PRSS56: variants seen among roughly 807,000 people sequenced by gnomAD.
The protein encoded by PRSS56 is protease, serine 56.
A neutral mutation model predicts 66.8 loss-of-function variants in PRSS56; 55 were observed. That is an observed-to-expected ratio of 0.82 (90% CI 0.66 to 1.03). The LOEUF (loss-of-function observed/expected upper bound fraction) is 1.03. PRSS56 is among the 50% of genes least tolerant of loss of function. The pLI, the probability that PRSS56 is intolerant of heterozygous loss-of-function variation, is 0.00. For synonymous variants in PRSS56, 409 were observed against 387.9 expected, an observed-to-expected ratio of 1.05 and a Z score of -0.64; for missense variants, 869 against 837.2, an observed-to-expected ratio of 1.04 and a Z score of -0.47.
At position 232,524,793 on chromosome 2, in the gene PRSS56, T is replaced by C. The variant is rs1251784154; in HGVS notation, c.1470T>C (p.His490=). Residue 490 remains histidine, a synonymous_variant, in exon 12 of 13, where the codon CAT becomes CAC. Transcript: ENST00000617714. ...AGTTGGCTGCCCTGCAGGGGGCCCA[T>C]GCCTGGATCCTGCAGGTCCCCTCGG... ...RQKLAALQGA[H]AWILQVPSEH... is the part of the protein sequence containing the mutation. 14 of 1,535,010 alleles carry C rather than the reference T, an allele frequency of 9.1e-6. No homozygotes were observed. In the South Asian group the frequency reaches 1.7e-4, roughly 18 times the overall value.
intron 5 of PRSS56, 42 bp from the exon 6 acceptor site, chr2:232,522,660 C>G (rs753694791): frequency 4.6e-6 from 7 of 1,532,488 alleles, no homozygotes. Context: ...ACCGCACCCC[C>G]ACCCGTGCTT....
In PRSS56 at chr2:232,524,163, G is replaced by C; in HGVS notation, c.1311G>C (p.Glu437Asp). 6.6e-7 allele frequency: 1 copy of C among 1,522,530 alleles called. No individual in the cohort carries two copies. The highest frequency in any genetic ancestry group is 1.2e-5 in the South Asian group (1 of 82,634). 94.3% of individuals were successfully genotyped at this position (1,522,530 alleles called of 1,614,324 possible). ...CTCTCCCCGCTCCAGCGCTCAGGGA[G>C]TCTCCTCTGCACCCCGCCCGGGAGC... The part of the protein sequence containing the change: ...ALALPAPALR[E>D]SPLHPARELR... Residue 437 changes from glutamate to aspartate, a missense_variant, in exon 10 of 13, where the codon GAG (glutamate) becomes GAC (aspartate). This residue lies in a region of PRSS56 where 551 missense variants were observed against 506.9 expected (regional missense o/e 1.09). Transcript: ENST00000617714.
chr2:232,522,553 A>G lies in PRSS56; in HGVS notation c.485A>G (p.Glu162Gly). 2 of 1,535,064 alleles carry G rather than the reference A, an allele frequency of 1.3e-6. No homozygotes were observed. The highest frequency in any genetic ancestry group is 1.7e-6 in the Non-Finnish European group (2 of 1,146,524). ...NELLWTVTLA[E>G]GSRGEQAEEV... The stretch of plus-strand genomic sequence containing the variant: ...CTTCTGTGGACTGTGACGCTGGCAG[A>G]GGGGTCCCGGGGGGAGCAAGCGGAG... The change falls in exon 5 of 13, where the codon GAG becomes GGG. Residue 162 changes from glutamate to glycine, a missense_variant. Transcript: ENST00000617714.
At chr2:232,523,271 C>A (rs913306339) in intron 7 of PRSS56, 69 bp downstream of exon 7, 1 of 1,422,546 alleles carries the variant, frequency 7.0e-7, no homozygotes, top group African/African-American at 1.4e-5. Flanking sequence ...TCTTTTCCTT[C>A]CACGTCTGTC....
intron 12 of PRSS56, 140 bp from the exon 13 acceptor site, chr2:232,525,076 T>C: frequency 1.2e-6 from 1 of 865,136 alleles, no homozygotes; most frequent in East Asian, 2.8e-5. Context: ...TGGGTGGGAG[T>C]GTCCACATGA....
intron 11 of PRSS56, 109 bp downstream of exon 11, chr2:232,524,478 G>T: frequency 9.3e-7 from 1 of 1,075,470 alleles, no homozygotes; most frequent in South Asian, 1.6e-5. Flanking sequence ...TGGGGCAACA[G>T]GGTGGACTCG....
chr2:232,521,396 T>C lies in PRSS56; in HGVS notation c.173T>C (p.Met58Thr). The C allele has an allele frequency of 6.5e-7, 1 of 1,536,096 alleles. No homozygotes were observed. The highest frequency in any genetic ancestry group is 8.7e-7 in the Non-Finnish European group (1 of 1,146,882). ...SAQWAINRVA[M>T]EIQHRSHECR... ...CAGTGGGCAATAAACCGAGTGGCGA[T>C]GGAGATCCAGCACAGATCGCACGAG... Residue 58 changes from methionine (M) to threonine (T), a missense_variant, in exon 2 of 13, where the codon ATG becomes ACG. Met to Thr is a moderately conservative substitution (Grantham distance 81). Around this residue, in one of 3 missense-constraint regions of PRSS56, gnomAD observed 315 missense variants for 313.7 expected, o/e 1.00. Coordinates refer to ENST00000617714, the MANE Select transcript of PRSS56 (RefSeq NM_001195129.2).
intron 4 of PRSS56, 41 bp from the exon 5 acceptor site, chr2:232,522,474 C>T: frequency 2.0e-6 from 3 of 1,487,510 alleles, no homozygotes; most frequent in Non-Finnish European, 1.8e-6. Flanking sequence ...GCGGGGTGTG[C>T]CCCTGTCCTT....
chr2:232,525,474 A>G lies in PRSS56; in HGVS notation c.1780A>G (p.Asn594Asp). 1 of 1,509,668 alleles carries G rather than the reference A, an allele frequency of 6.6e-7. No individual in the cohort carries two copies. Among genetic ancestry groups the G allele is most frequent in the Non-Finnish European group, 8.9e-7 (1 of 1,129,390 alleles). The allele number at this position is 1,509,668 out of a possible 1,614,324, so 93.5% of individuals were successfully genotyped here. A position where few individuals can be genotyped will look rare whatever the true frequency, so the allele number is the denominator to read the frequency against. Residue 594 changes from asparagine to aspartate, a missense_variant, in exon 13 of 13, where the codon AAC (asparagine) becomes GAC (aspartate). By Grantham distance (23) the Asn-to-Asp change is conservative (BLOSUM62 1). Around this residue, in one of 3 missense-constraint regions of PRSS56, gnomAD observed 551 missense variants for 506.9 expected, o/e 1.09. Transcript: ENST00000617714. The stretch of plus-strand genomic sequence containing the variant: ...GGAGAGGAAGGGGCACCACCCACTC[A>G]ACCCTCAGGTACCCCCCGCCAGGCA... ...GLERKGHHPL[N>D]PQVPPARQP
At chr2:232,525,104 T>C in intron 12 of PRSS56, 112 bp from the exon 13 acceptor site, 5 of 1,106,692 alleles carry the variant, frequency 4.5e-6, no homozygotes, top group Non-Finnish European at 5.0e-6. Context: ...ATGAGCAGGG[T>C]TTCCAGGTCT....
At position 232,523,880 on chromosome 2, in the gene PRSS56, C is replaced by A; in HGVS notation, c.1121C>A (p.Pro374Gln). 6.5e-7 allele frequency: 1 copy of A among 1,528,894 alleles called. No individual in the cohort carries two copies. The allele number at this position is 1,528,894 out of a possible 1,614,324, so 94.7% of individuals were successfully genotyped here. A position where few individuals can be genotyped will look rare whatever the true frequency, so the allele number is the denominator to read the frequency against. Reference protein sequence around the residue: ...RLCAFYARLCPGSQGACARLA... With the variant: ...RLCAFYARLCQGSQGACARLA... The stretch of plus-strand genomic sequence containing the variant: ...TGCGCCTTCTATGCCCGCCTGTGCC[C>A]GGGGTCCCAGGGCGCCTGTGCGCGC... Residue 374 changes from proline to glutamine, a missense_variant, in exon 9 of 13, where the codon CCG (proline) becomes CAG (glutamine). By Grantham distance (76) the Pro-to-Gln change is moderately conservative (BLOSUM62 -1). This residue lies in a region of PRSS56 where 551 missense variants were observed against 506.9 expected (regional missense o/e 1.09). Transcript: ENST00000617714.
chr2:232,520,459 G>T lies in PRSS56; in HGVS notation c.-140G>T. 1.4e-6 allele frequency: 1 copy of T among 713,782 alleles called. No homozygotes were observed. The highest frequency in any genetic ancestry group is 2.5e-6 in the Non-Finnish European group (1 of 404,138). The allele number at this position is 713,782 out of a possible 1,614,324, so 44.2% of individuals were successfully genotyped here. On this transcript the variant is annotated 5_prime_UTR_variant, in exon 1 of 13. Transcript: ENST00000617714. ...GGTAATTTTGATGTAAGAGAACGGG[G>T]TCAGATGATTTGAGGGACAAGAATT... is the stretch of plus-strand genomic sequence containing the variant.
At chr2:232,523,676 T>G in intron 8 of PRSS56, 96 bp from the exon 9 acceptor site, 1 of 1,518,884 alleles carries the variant, frequency 6.6e-7, no homozygotes, top group Non-Finnish European at 8.8e-7. Context: ...CCCAGCTCCC[T>G]TCTGCCTCGG....
In PRSS56 at chr2:232,522,788, C is replaced by T. The variant is rs1298541674; in HGVS notation, c.633C>T (p.Cys211=). The change falls in exon 6 of 13, where the codon TGC becomes TGT. Residue 211 remains cysteine, a synonymous_variant. Transcript: ENST00000617714. ...CGGGGGGATCGGCGCGCCCCGTGTG[C>T]CTGCCCCAGGAGCCCCAGGAGCCCC... is the stretch of plus-strand genomic sequence containing the variant. The part of the protein sequence containing the change: ...VSPGGSARPV[C]LPQEPQEPPA... The T allele has an allele frequency of 8.6e-6, 13 of 1,516,120 alleles. No homozygotes were observed. Among genetic ancestry groups the T allele is most frequent in the Non-Finnish European group, 1.1e-5 (13 of 1,134,088 alleles). 93.9% of individuals were successfully genotyped at this position (1,516,120 alleles called of 1,614,324 possible).
Position 232,524,756 on chromosome 2 carries a change from C to A in PRSS56, c.1433C>A (p.Pro478His). The A allele has an allele frequency of 6.5e-7, 1 of 1,528,520 alleles. No individual in the cohort carries two copies. Among genetic ancestry groups the A allele is most frequent in the South Asian group, 1.2e-5 (1 of 83,612 alleles). 94.7% of individuals were successfully genotyped at this position (1,528,520 alleles called of 1,614,324 possible). The change falls in exon 12 of 13, where the codon CCC becomes CAC. Residue 478 changes from proline to histidine, a missense_variant. By Grantham distance (77) the Pro-to-His change is moderately conservative (BLOSUM62 -2). Coordinates refer to ENST00000617714, the MANE Select transcript of PRSS56 (RefSeq NM_001195129.2). ...GEANGCPGLE[P>H]LRQKLAALQG... The stretch of plus-strand genomic sequence containing the variant: ...CCTCCAGGCTGCCCTGGGCTGGAGC[C>A]CCTGCGACAGAAGTTGGCTGCCCTG...
rs1691253986 is a variant in PRSS56 at position 232,520,506 on chromosome 2, C to T, written c.-93C>T. On this transcript the variant is annotated 5_prime_UTR_variant, in exon 1 of 13. Coordinates refer to ENST00000617714, the MANE Select transcript of PRSS56 (RefSeq NM_001195129.2). ...AATTCAGTGCCCGGGGGCCGAAAGG[C>T]AGCAGAAGGCGGGCACCAAAGGATA... The T allele has an allele frequency of 2.0e-6, 2 of 997,366 alleles. No individual in the cohort carries two copies. Among genetic ancestry groups the T allele is most frequent in the Admixed American group, 4.0e-5 (2 of 50,046 alleles). The allele number at this position is 997,366 out of a possible 1,614,324, so 61.8% of individuals were successfully genotyped here.
chr2:232,522,682 C>A lies in PRSS56; in HGVS notation c.547-20C>A, dbSNP rs1167157300. On this transcript the variant is annotated intron_variant, in intron 5 of 12. Transcript: ENST00000617714. ...CCCCACCCGTGCTTCCTTGACCCTG[C>A]GCCGCCTCCCCCTCCTCAGTTTGAC... The A allele has an allele frequency of 6.5e-7, 1 of 1,533,180 alleles. No homozygotes were observed. Among genetic ancestry groups the A allele is most frequent in the Non-Finnish European group, 8.7e-7 (1 of 1,145,312 alleles). The allele number at this position is 1,533,180 out of a possible 1,614,324, so 95.0% of individuals were successfully genotyped here. A position where few individuals can be genotyped will look rare whatever the true frequency, so the allele number is the denominator to read the frequency against.
chr2:232,525,309 C>A lies in PRSS56; in HGVS notation c.1615C>A (p.Leu539Met). The change falls in exon 13 of 13, where the codon CTG (leucine) becomes ATG (methionine). Residue 539 changes from leucine (L) to methionine (M), a missense_variant. Physicochemically the swap from Leu to Met is conservative, Grantham distance 15. Coordinates refer to ENST00000617714, the MANE Select transcript of PRSS56 (RefSeq NM_001195129.2). Reference protein sequence around the residue: ...LGGRHVAFSGLVGLEPATLAR... With the variant: ...LGGRHVAFSGMVGLEPATLAR... ...GGGCCGGCATGTGGCCTTCAGCGGCCTGGTGGGCCTGGAGCCGGCCACACT... is the reference window on the plus strand; with the variant it reads ...GGGCCGGCATGTGGCCTTCAGCGGCATGGTGGGCCTGGAGCCGGCCACACT... 1 of 1,524,000 alleles carries A rather than the reference C, an allele frequency of 6.6e-7. No individual in the cohort carries two copies. The allele number at this position is 1,524,000 out of a possible 1,614,324, so 94.4% of individuals were successfully genotyped here. A position where few individuals can be genotyped will look rare whatever the true frequency, so the allele number is the denominator to read the frequency against.
rs1559288797 is a variant in PRSS56 at position 232,522,035 on chromosome 2, G to A, written c.321G>A (p.Gly107=). 2.0e-6 allele frequency: 3 copies of A among 1,474,208 alleles called. No homozygotes were observed. Among genetic ancestry groups the A allele is most frequent in the South Asian group, 1.3e-5 (1 of 74,100 alleles). The allele number at this position is 1,474,208 out of a possible 1,614,324, so 91.3% of individuals were successfully genotyped here. ...NVTRAHGRIV[G]GSAAPPGAWP... The stretch of plus-strand genomic sequence containing the variant: ...CGCGGGCCCACGGCCGCATCGTGGG[G>A]GGCAGCGCGGCGCCGCCCGGGGCCT... Residue 107 remains glycine (G), a synonymous_variant, in exon 4 of 13, where the codon GGG becomes GGA. Transcript: ENST00000617714.
Sources: gnomAD v4.1 joint callset for allele counts on GRCh38, gnomAD v4.1.1 for gene constraint, gnomAD v4.1.1 regional missense constraint, MANE v1.5 for transcripts, NCBI Gene and HGNC (gene_info 2026-07-23, HGNC 2026-07-21) for gene names.